LIPA: variants seen among roughly 807,000 people sequenced by gnomAD.
The protein encoded by LIPA is lipase A, lysosomal acid type.
LIPA carries 26 observed loss-of-function variants against 40.6 expected under a neutral mutation model. That is an observed-to-expected ratio of 0.64 (90% CI 0.47 to 0.89). The LOEUF is 0.89. Among genes scored for constraint, LIPA ranks in the 40% least tolerant of loss-of-function variants. The probability of loss-of-function intolerance (pLI) is 0.00; values close to 1 mark genes in which losing one functional copy is unlikely to be tolerated. For missense variants in LIPA, 455 were observed against 479.6 expected, an observed-to-expected ratio of 0.95 and a Z score of 0.48; for synonymous variants, 188 against 168.4, an observed-to-expected ratio of 1.12 and a Z score of -0.90.
intron 2 of LIPA, chr10:89,405,920 A>G (rs1002437661): frequency 5.3e-5 from 8 of 152,114 alleles, no homozygotes; most frequent in Admixed American, 3.3e-4. Flanking sequence ...CTTACCACAG[A>G]GCACCCCAAG....
At chr10:89,394,587 TA>T in intron 2 of LIPA, among the ~76,000 whole-genome samples, 1 of 18,748 alleles carries the variant, frequency 5.3e-5, no homozygotes, top group Admixed American at 4.8e-4. Context: ...AATATATATA[TA>T]TATATATATA....
rs76876880 is a variant in LIPA at position 89,323,725 on chromosome 10, C to T, written c.-2+18886G>A. On this transcript the variant is annotated intron_variant, in intron 1 of 5. Transcript: ENST00000282673. ...ATAAAATACCTAGAAATACAGCTAA[C>T]GCAGGAGGTGAAAGATCTCTACAAT... Among the ~76,000 whole-genome samples, 1,023 of 152,162 alleles carry T rather than the reference C, an allele frequency of 6.7e-3. 14 individuals are homozygous for T. Among genetic ancestry groups the T allele is most frequent in the East Asian group, 0.051 (263 of 5,176 alleles).
chr10:89,374,343 ACTCTCT>A (rs10658637), intron 2 of LIPA, among the ~76,000 whole-genome samples: 1 of 147,852 alleles, frequency 6.8e-6, no homozygotes, highest in Non-Finnish European at 1.5e-5. Flanking sequence ...ACACACACAC[ACTCTCT>A]CTCTCTCTCT....
chr10:89,251,366 G>A (rs1355835127), intron 1 of LIPA, among the ~76,000 whole-genome samples: 2 of 152,244 alleles, frequency 1.3e-5, no homozygotes, highest in Non-Finnish European at 2.9e-5. Context: ...GATGCCTGGA[G>A]GAGCTAAGGG....
chr10:89,221,222 T>A (rs898279551), intron 8 of LIPA, among the ~76,000 whole-genome samples: 9 of 151,982 alleles, frequency 5.9e-5, no homozygotes, highest in East Asian at 5.8e-4. Context: ...AATAAAAAAT[T>A]TTTTTTTAAA....
At chr10:89,315,767 C>T (rs553426738) in intron 1 of LIPA, among the ~76,000 whole-genome samples, 5 of 152,190 alleles carry the variant, frequency 3.3e-5, no homozygotes, top group Admixed American at 6.5e-5. Flanking sequence ...GGCCTGGCTT[C>T]GTATGTTTAG....
At position 89,250,107 on chromosome 10, in the gene LIPA, C is replaced by CTTT. The variant is rs398038546; in HGVS notation, c.-2+1627_-2+1629dup. On this transcript the variant is annotated intron_variant, in intron 1 of 9. Coordinates refer to ENST00000336233, the MANE Select transcript of LIPA (RefSeq NM_000235.4). ...TTTTTCTTTTTCTTTTCTTTTCTTT[C>CTTT]TTTTTTTTTTTTGAGACAGTCTTGC... 3.0e-4 allele frequency among the ~76,000 whole-genome samples: 29 copies of CTTT among 96,074 alleles called. 2 individuals carry two copies. The highest frequency in any genetic ancestry group is 1.1e-3 in the Admixed American group (9 of 8,506). The allele number at this position is 96,074 out of a possible 152,430, so 63.0% of individuals were successfully genotyped here.
rs539292238 is a variant in LIPA, at chr10:89,338,326, C to T, written c.-2+4285G>A. 3.4e-5 allele frequency: 7 copies of T among 204,034 alleles called. No individual in the cohort carries two copies. The South Asian group carries it at 7.5e-4, about 22-fold the overall frequency. 12.6% of individuals were successfully genotyped at this position (204,034 alleles called of 1,614,324 possible). ...TAAGCCAATGGTGAAAGTTCTAGTC[C>T]AAGTCTAGTCTAAGGGCAGAAAAAG... On this transcript the variant is annotated intron_variant, in intron 1 of 5. Coordinates refer to the LIPA transcript ENST00000282673.
chr10:89,403,648 A>C (rs1844479860), intron 2 of LIPA: 6 of 1,613,794 alleles, frequency 3.7e-6, no homozygotes, highest in Non-Finnish European at 5.1e-6. Context: ...GAAGCCCTGG[A>C]GTACTATGAG....
chr10:89,298,781 T>C (rs1383098989), intron 1 of LIPA, among the ~76,000 whole-genome samples: 1 of 151,670 alleles, frequency 6.6e-6, no homozygotes, highest in African/African-American at 2.4e-5. Flanking sequence ...AGGTCAGGAG[T>C]TCCAGACCAG....
intron 2 of LIPA, among the ~76,000 whole-genome samples, chr10:89,347,911 C>A (rs778835517): frequency 6.6e-6 from 1 of 152,180 alleles, no homozygotes; most frequent in Non-Finnish European, 1.5e-5. Context: ...GCGGGACATG[C>A]CTTAGGCAGT....
At chr10:89,377,369 T>C (rs1439782790) in intron 2 of LIPA, among the ~76,000 whole-genome samples, 2 of 152,240 alleles carry the variant, frequency 1.3e-5, no homozygotes, top group Admixed American at 1.3e-4. Context: ...GTTTCTCTAC[T>C]GACCAGCTCA....
chr10:89,379,724 C>T lies in LIPA; in HGVS notation c.61+33067G>A, dbSNP rs1033352389. ...ACCCAAGTCTCTCTTTTTAATATAACGGGCTCCTGGTCATAAGATGTTAGT... is the reference window on the plus strand; with the variant it reads ...ACCCAAGTCTCTCTTTTTAATATAATGGGCTCCTGGTCATAAGATGTTAGT... On this transcript the variant is annotated intron_variant, in intron 2 of 8. Transcript: ENST00000371837. 6.6e-5 allele frequency among the ~76,000 whole-genome samples: 10 copies of T among 152,214 alleles called. No homozygotes were observed. The East Asian group carries it at 1.4e-3, about 21-fold the overall frequency.
intron 2 of LIPA, among the ~76,000 whole-genome samples, chr10:89,377,084 T>C (rs1844127144): frequency 6.6e-6 from 1 of 152,232 alleles, no homozygotes; most frequent in Non-Finnish European, 1.5e-5. Context: ...ATTGTAACAA[T>C]TCACAAGAGG....
chr10:89,302,724 T>C (rs1843453157), intron 1 of LIPA, among the ~76,000 whole-genome samples: 1 of 152,096 alleles, frequency 6.6e-6, no homozygotes. Context: ...TTGGAGAAAA[T>C]AGTTCTGTTC....
intron 1 of LIPA, chr10:89,339,204 G>A: frequency 6.2e-7 from 1 of 1,614,150 alleles, no homozygotes; most frequent in Non-Finnish European, 8.5e-7. Context: ...TGTACCATCT[G>A]GATAATCACC....
intron 2 of LIPA, among the ~76,000 whole-genome samples, chr10:89,373,105 G>T (rs1000238794): frequency 6.6e-6 from 1 of 151,736 alleles, no homozygotes; most frequent in Non-Finnish European, 1.5e-5. Flanking sequence ...AGGCAGAGGC[G>T]GGCGGATCAT....
At chr10:89,292,992 T>C (rs1332195685) in intron 1 of LIPA, among the ~76,000 whole-genome samples, 1 of 152,076 alleles carries the variant, frequency 6.6e-6, no homozygotes, top group Non-Finnish European at 1.5e-5. Flanking sequence ...CACAGAAAGG[T>C]TTCTAATATG....
At chr10:89,264,775 T>G (rs964699249) in intron 1 of LIPA, among the ~76,000 whole-genome samples, 1 of 152,214 alleles carries the variant, frequency 6.6e-6, no homozygotes, top group African/African-American at 2.4e-5. Context: ...CACTCTGGGC[T>G]GTGGACACCA....
Sources: gnomAD v4.1 joint callset for allele counts (sites outside exome capture counted in the v4.1 genomes callset) on GRCh38, gnomAD v4.1.1 for gene constraint, MANE v1.5 for transcripts, NCBI Gene and HGNC (gene_info 2026-07-23, HGNC 2026-07-21) for gene names.